The following CDK14 variants were observed in gnomAD, a reference collection of about 807,000 sequenced individuals.
CDK14 encodes the protein cyclin-dependent kinase 14.
Under a neutral mutation model 60.7 loss-of-function variants are expected in CDK14, and 34 were observed. The observed-to-expected ratio is 0.56, with a 90% CI of 0.43 to 0.75. The LOEUF is 0.75. Ranked by LOEUF, CDK14 falls within the 30% of genes least tolerant of loss-of-function variation. The pLI is 0.00. For synonymous variants in CDK14, 197 were observed against 203.7 expected, an observed-to-expected ratio of 0.97 and a Z score of 0.28; for missense variants, 482 against 564.1, an observed-to-expected ratio of 0.85 and a Z score of 1.47.
At chr7:90,793,812 T>C (rs1009461220) in intron 5 of CDK14, among the ~76,000 whole-genome samples, 1 of 152,230 alleles carries the variant, frequency 6.6e-6, no homozygotes, top group African/African-American at 2.4e-5. Flanking sequence ...AACTCATTTA[T>C]GTATTGTCTA....
At chr7:91,057,918 A>G (rs1797637652) in intron 11 of CDK14, among the ~76,000 whole-genome samples, 1 of 152,090 alleles carries the variant, frequency 6.6e-6, no homozygotes, top group Non-Finnish European at 1.5e-5. Flanking sequence ...TGAACTTTAA[A>G]GTAGTTTTAT....
chr7:90,824,146 C>G (rs149853535), intron 5 of CDK14, among the ~76,000 whole-genome samples: 22 of 152,266 alleles, frequency 1.4e-4, no homozygotes, highest in African/African-American at 5.1e-4. Context: ...TTTGGAAAAT[C>G]AGTCATAATG....
chr7:90,777,126 A>T (rs932387862), intron 4 of CDK14, among the ~76,000 whole-genome samples: 1 of 152,136 alleles, frequency 6.6e-6, no homozygotes, highest in African/African-American at 2.4e-5. Flanking sequence ...TGCTTATTTT[A>T]AAAATGTTGC....
intron 12 of CDK14, among the ~76,000 whole-genome samples, chr7:91,103,270 G>A (rs1046633670): frequency 1.3e-5 from 2 of 151,942 alleles, no homozygotes; most frequent in Admixed American, 6.6e-5. Flanking sequence ...AAGAAATGCT[G>A]TCTTCCAGGA....
At chr7:90,597,667 C>A (rs949730928) in intron 1 of CDK14, among the ~76,000 whole-genome samples, 4 of 152,166 alleles carry the variant, frequency 2.6e-5, no homozygotes, top group Non-Finnish European at 4.4e-5. Flanking sequence ...TAAATGTCAT[C>A]CATGTTAACG....
chr7:90,601,766 G>A (rs1247469177), intron 1 of CDK14, among the ~76,000 whole-genome samples: 1 of 150,974 alleles, frequency 6.6e-6, no homozygotes, highest in African/African-American at 2.4e-5. Flanking sequence ...TTTTTTTGGC[G>A]GCAGAGGAAC....
chr7:91,035,173 T>C (rs1796885621), intron 10 of CDK14, among the ~76,000 whole-genome samples: 1 of 152,178 alleles, frequency 6.6e-6, no homozygotes, highest in Non-Finnish European at 1.5e-5. Context: ...TAAGCTGTAA[T>C]TGCAGCCACA....
intron 10 of CDK14, among the ~76,000 whole-genome samples, chr7:91,012,889 A>C (rs1441008825): frequency 6.6e-6 from 1 of 152,148 alleles, no homozygotes; most frequent in Non-Finnish European, 1.5e-5. Flanking sequence ...AAAATATGTA[A>C]TTTTTTGAGA....
intron 5 of CDK14, among the ~76,000 whole-genome samples, chr7:90,810,340 C>G (rs556243909): frequency 6.6e-6 from 1 of 152,138 alleles, no homozygotes; most frequent in African/African-American, 2.4e-5. Flanking sequence ...AAAACGTAAT[C>G]CAGCGTAGAA....
intron 4 of CDK14, among the ~76,000 whole-genome samples, chr7:90,767,421 T>A (rs148729549): frequency 5.1e-4 from 78 of 152,324 alleles, no homozygotes; most frequent in Middle Eastern, 6.8e-3. Flanking sequence ...TTATTAATAT[T>A]CTCCACTGTT....
chr7:90,806,855 G>T (rs1443724049), intron 5 of CDK14, among the ~76,000 whole-genome samples: 1 of 152,208 alleles, frequency 6.6e-6, no homozygotes, highest in Non-Finnish European at 1.5e-5. Context: ...TACACCCGCG[G>T]AGCCTCACTC....
chr7:91,158,676 C>T (rs371818850), intron 14 of CDK14, among the ~76,000 whole-genome samples: 1 of 151,974 alleles, frequency 6.6e-6, no homozygotes, highest in East Asian at 1.9e-4. Flanking sequence ...ATGAAAATTG[C>T]CATAGAAAGG....
chr7:91,067,580 A>G (rs1051191199), intron 11 of CDK14, among the ~76,000 whole-genome samples: 16 of 152,236 alleles, frequency 1.1e-4, no homozygotes, highest in Non-Finnish European at 2.2e-4. Context: ...AACTGTAACC[A>G]GGACTTAGTT....
intron 10 of CDK14, among the ~76,000 whole-genome samples, chr7:91,012,444 C>T (rs540225593): frequency 3.0e-4 from 46 of 152,258 alleles, no homozygotes; most frequent in African/African-American, 1.0e-3. Flanking sequence ...CCTCTTTGAT[C>T]CTCTGCTTTG....
chr7:90,663,695 C>T (rs543222479), intron 2 of CDK14, among the ~76,000 whole-genome samples: 2 of 152,266 alleles, frequency 1.3e-5, no homozygotes, highest in South Asian at 2.1e-4. Flanking sequence ...GATTTTTCTT[C>T]CTTTTAATGG....
intron 6 of CDK14, among the ~76,000 whole-genome samples, chr7:90,882,196 C>T (rs1562811475): frequency 1.4e-5 from 2 of 142,662 alleles, no homozygotes; most frequent in African/African-American, 2.6e-5. Context: ...AGACCCATCT[C>T]ATGTGCAAAG....
intron 5 of CDK14, among the ~76,000 whole-genome samples, chr7:90,851,792 A>G (rs796615437): frequency 6.6e-6 from 1 of 150,476 alleles, no homozygotes; most frequent in Non-Finnish European, 1.5e-5. Context: ...TTTAATTATT[A>G]TGACAATTTG....
chr7:91,036,239 A>C (rs1311047694), intron 10 of CDK14, among the ~76,000 whole-genome samples: 1 of 152,150 alleles, frequency 6.6e-6, no homozygotes, highest in Non-Finnish European at 1.5e-5. Flanking sequence ...GGCAACACTC[A>C]GTTTCTTGCA....
intron 8 of CDK14, among the ~76,000 whole-genome samples, chr7:90,932,728 C>G (rs1431758717): frequency 1.3e-5 from 2 of 152,190 alleles, no homozygotes; most frequent in African/African-American, 4.8e-5. Context: ...TGAGTATGGC[C>G]TAGCTGGGTG....
Sources: gnomAD v4.1 joint callset for allele counts (sites outside exome capture counted in the v4.1 genomes callset) on GRCh38, gnomAD v4.1.1 for gene constraint, MANE v1.5 for transcripts, NCBI Gene and HGNC (gene_info 2026-07-23, HGNC 2026-07-21) for gene names.